The following KIFC1 variants were observed in gnomAD, a reference collection of about 807,000 sequenced individuals.
KIFC1 encodes the protein kinesin-like protein KIFC1.
KIFC1 carries 37 observed loss-of-function variants against 66.6 expected under a neutral mutation model. That is an observed-to-expected ratio of 0.56 (90% CI 0.43 to 0.73). The LOEUF (loss-of-function observed/expected upper bound fraction) is 0.73. Ranked by LOEUF, KIFC1 falls within the 30% of genes least tolerant of loss-of-function variation. KIFC1 has a pLI of 0.00. For missense variants in KIFC1, 721 were observed against 859.8 expected (o/e 0.84, Z 2.02); for synonymous variants, 325 against 343.5 (o/e 0.95, Z 0.60).
At position 33,405,281 on chromosome 6, in the gene KIFC1, C is replaced by T. The variant is rs997045617; in HGVS notation, c.1186C>T (p.Gln396Ter). The change falls in exon 7 of 11, where the codon CAG becomes TAG. Residue 396 changes from glutamine (Q) to a stop codon, truncating the protein, a stop_gained. Transcript: ENST00000428849. LOFTEE classifies it high-confidence loss of function. This position sits in a 1 kb window ranked among gnomAD's most constrained non-coding sequence, Gnocchi z 5.4. ...EVFEEIAMLV[Q>*]SALDGYPVCI... ...GTTTGAAGAGATTGCCATGCTTGTC[C>T]AGTCAGCCCTGGATGGCTATCCAGT... 6.2e-7 allele frequency: 1 copy of T among 1,614,214 alleles called. No individual in the cohort carries two copies. The highest frequency in any genetic ancestry group is 8.5e-7 in the Non-Finnish European group (1 of 1,180,050).
At chr6:33,409,400 A>T (rs898279570) in intron 10 of KIFC1, among the ~76,000 whole-genome samples, 1 of 152,112 alleles carries the variant, frequency 6.6e-6, no homozygotes, top group Non-Finnish European at 1.5e-5. Flanking sequence ...TGGAAATGAA[A>T]GCCTCCTTTC....
At chr6:33,407,043 TAA>T in intron 10 of KIFC1, 168 bp downstream of exon 10, 1 of 1,418,334 alleles carries the variant, frequency 7.1e-7, no homozygotes, top group South Asian at 1.6e-5. Context: ...GCTTTTGAGT[TAA>T]GTTTTTTAAA....
chr6:33,391,944 C>T lies in KIFC1; in HGVS notation c.-42C>T, dbSNP rs778738706. 6.2e-7 allele frequency: 1 copy of T among 1,613,686 alleles called. No individual in the cohort carries two copies. Among genetic ancestry groups the T allele is most frequent in the Non-Finnish European group, 8.5e-7 (1 of 1,179,774 alleles). Reference sequence around the variant, plus strand: ...CCCAGGATCCCCGGCACCCAGTTCTCTTCCACTGCATTCCCCCGGCGCGTG... The same window carrying T: ...CCCAGGATCCCCGGCACCCAGTTCTTTTCCACTGCATTCCCCCGGCGCGTG... On this transcript the variant is annotated 5_prime_UTR_variant, in exon 1 of 11. Coordinates refer to ENST00000428849, the MANE Select transcript of KIFC1 (RefSeq NM_002263.4).
At chr6:33,394,727 C>T (rs533296703) in intron 1 of KIFC1, among the ~76,000 whole-genome samples, 3 of 152,238 alleles carry the variant, frequency 2.0e-5, no homozygotes, top group African/African-American at 7.2e-5. Flanking sequence ...AGTGATCCGC[C>T]CGCCTCGGCC....
In KIFC1 at chr6:33,400,209, C is replaced by T; in HGVS notation, c.250+1822C>T. 2 of 1,558,024 alleles carry T rather than the reference C, an allele frequency of 1.3e-6. No homozygotes were observed. Among genetic ancestry groups the T allele is most frequent in the Non-Finnish European group, 1.7e-6 (2 of 1,144,712 alleles). ...GTTCTCTGGCTAAGGATCGGTGCCG[C>T]ATCTGTCGAGCAATGTTGACGATCT... On this transcript the variant is annotated intron_variant, in intron 3 of 10. Coordinates refer to ENST00000428849, the MANE Select transcript of KIFC1 (RefSeq NM_002263.4). This position sits in a 1 kb window ranked among gnomAD's most constrained non-coding sequence, Gnocchi z 4.3.
chr6:33,408,895 G>A lies in KIFC1; in HGVS notation c.1978-751G>A, dbSNP rs186209081. On this transcript the variant is annotated intron_variant, in intron 10 of 10. Coordinates refer to ENST00000428849, the MANE Select transcript of KIFC1 (RefSeq NM_002263.4). ...TTTAGCCAATAGGAACCTCCTGGCC[G>A]GGCGCGGTGGCTCATGCCTGTAACC... Among the ~76,000 whole-genome samples the A allele has an allele frequency of 5.7e-4, 87 of 151,728 alleles. 1 individual carries two copies. The highest frequency in any genetic ancestry group is 2.6e-3 in the Admixed American group (39 of 15,232).
chr6:33,405,197 A>C lies in KIFC1; in HGVS notation c.1102A>C (p.Thr368Pro), dbSNP rs779239713. Residue 368 changes from threonine to proline, a missense_variant, in exon 7 of 11, where the codon ACT (threonine) becomes CCT (proline). By Grantham distance (38) the Thr-to-Pro change is conservative (BLOSUM62 -1). Coordinates refer to ENST00000428849, the MANE Select transcript of KIFC1 (RefSeq NM_002263.4). This position sits in a 1 kb window ranked among gnomAD's most constrained non-coding sequence, Gnocchi z 5.4. The stretch of plus-strand genomic sequence containing the variant: ...CCTGAGTGGGGCACCAGCTCCCCCA[A>C]CTCGCCATGATTTTTCCTTTGACCG... ...GTLSGAPAPP[T>P]RHDFSFDRVF... 41 of 1,613,930 alleles carry C rather than the reference A, an allele frequency of 2.5e-5. No individual in the cohort carries two copies. The highest frequency in any genetic ancestry group is 1.8e-5 in the Non-Finnish European group (21 of 1,180,024).
rs954512313 is a variant in KIFC1 at position 33,403,330 on chromosome 6, G to A, written c.267G>A (p.Lys89=). ...QGQTTAQKVS[K]KTGPRCSTAI... ...CCTGGGCAGCTCAAAAAGTTTCCAA[G>A]AAGACAGGACCCCGGTGTTCCACAG... Residue 89 remains lysine (K), a synonymous_variant, in exon 4 of 11, where the codon AAG becomes AAA. Transcript: ENST00000428849. The surrounding 1 kb of genome is among the most constrained non-coding windows in gnomAD (Gnocchi z 4.6). 1 of 1,613,658 alleles carries A rather than the reference G, an allele frequency of 6.2e-7. No homozygotes were observed. The highest frequency in any genetic ancestry group is 1.3e-5 in the African/African-American group (1 of 75,054).
intron 10 of KIFC1, among the ~76,000 whole-genome samples, chr6:33,407,893 T>C (rs1476821891): frequency 6.6e-6 from 1 of 152,346 alleles, no homozygotes; most frequent in Non-Finnish European, 1.5e-5. Flanking sequence ...TTTGATGGGC[T>C]CTGGCTTTAT....
rs767401057 is a variant in KIFC1, at chr6:33,404,918, G to A, written c.823G>A (p.Glu275Lys). 2 of 1,614,110 alleles carry A rather than the reference G, an allele frequency of 1.2e-6. No homozygotes were observed. The highest frequency in any genetic ancestry group is 1.1e-5 in the South Asian group (1 of 91,082). The change falls in exon 7 of 11, where the codon GAG becomes AAG. Residue 275 changes from glutamate to lysine, a missense_variant. Coordinates refer to ENST00000428849, the MANE Select transcript of KIFC1 (RefSeq NM_002263.4). This position sits in a 1 kb window ranked among gnomAD's most constrained non-coding sequence, Gnocchi z 4.0. ...SQAEVASLRQ[E>K]TVAQAALLTE... ...AGCAGAGGTGGCATCTCTGCGGCAGGAGACTGTGGCCCAGGCAGCCTTACT... is the reference window on the plus strand; with the variant it reads ...AGCAGAGGTGGCATCTCTGCGGCAGAAGACTGTGGCCCAGGCAGCCTTACT...
chr6:33,400,111 T>C lies in KIFC1; in HGVS notation c.250+1724T>C. The C allele has an allele frequency of 1.2e-6, 1 of 831,446 alleles. No homozygotes were observed. The highest frequency in any genetic ancestry group is 2.1e-6 in the Non-Finnish European group (1 of 480,362). 51.5% of individuals were successfully genotyped at this position (831,446 alleles called of 1,614,324 possible). On this transcript the variant is annotated intron_variant, in intron 3 of 10. Transcript: ENST00000428849. This position sits in a 1 kb window ranked among gnomAD's most constrained non-coding sequence, Gnocchi z 4.3. ...ACTGTTGATGTCATCTATGATGTCA[T>C]GAGGGTGGTGGCCATCAACATTACA...
At chr6:33,407,517 C>T (rs189620355) in intron 10 of KIFC1, among the ~76,000 whole-genome samples, 1 of 152,344 alleles carries the variant, frequency 6.6e-6, no homozygotes, top group Non-Finnish European at 1.5e-5. Flanking sequence ...AAAATTTATC[C>T]ACCAGTTCCC....
chr6:33,409,705 C>CTCTGTGGGTGTGTGTGTGTG lies in KIFC1; in HGVS notation c.*16_*17insCTGTGGGTGTGTGTGTGTGT. The CTCTGTGGGTGTGTGTGTGTG allele has an allele frequency of 7.9e-7, 1 of 1,261,060 alleles. No homozygotes were observed. The highest frequency in any genetic ancestry group is 1.1e-6 in the Non-Finnish European group (1 of 911,106). 78.1% of individuals were successfully genotyped at this position (1,261,060 alleles called of 1,614,324 possible). ...ACAGGAAGTGAAGACGGATCCAGAT[C>CTCTGTGGGTGTGTGTGTGTG]TGTGTGTGTGTGTGTGTGTGTGTGT... On this transcript the variant is annotated 3_prime_UTR_variant, in exon 11 of 11. Coordinates refer to ENST00000428849, the MANE Select transcript of KIFC1 (RefSeq NM_002263.4).
chr6:33,402,655 T>C (rs1775432873), intron 3 of KIFC1, among the ~76,000 whole-genome samples: 2 of 151,378 alleles, frequency 1.3e-5, no homozygotes, highest in Non-Finnish European at 2.9e-5. Context: ...GCTTGAACCC[T>C]GGAGGTGGAG....
Position 33,398,144 on chromosome 6 carries a change from A to G in KIFC1, c.128A>G (p.Glu43Gly). The G allele has an allele frequency of 1.2e-6, 2 of 1,614,172 alleles. No homozygotes were observed. The highest frequency in any genetic ancestry group is 1.7e-6 in the Non-Finnish European group (2 of 1,180,028). The change falls in exon 2 of 11, where the codon GAA becomes GGA. Residue 43 changes from glutamate (E) to glycine (G), a missense_variant. Transcript: ENST00000428849. The part of the protein sequence containing the change: ...SRLKRRPDQM[E>G]DGLEPEKKRT... ...CTCAAGAGGAGGCCTGACCAGATGGAAGATGGCCTGGAGCCTGAGAAGGTG... is the reference window on the plus strand; with the variant it reads ...CTCAAGAGGAGGCCTGACCAGATGGGAGATGGCCTGGAGCCTGAGAAGGTG...
At chr6:33,394,539 TG>T (rs1371306291) in intron 1 of KIFC1, among the ~76,000 whole-genome samples, 1 of 152,142 alleles carries the variant, frequency 6.6e-6, no homozygotes, top group Non-Finnish European at 1.5e-5. Context: ...TGGAGTGCAG[TG>T]GTGTGATCTC....
chr6:33,392,777 A>G (rs1774854465), intron 1 of KIFC1, among the ~76,000 whole-genome samples: 1 of 152,198 alleles, frequency 6.6e-6, no homozygotes, highest in African/African-American at 2.4e-5. Flanking sequence ...TCTCGTGACA[A>G]CCAGAGAGCA....
chr6:33,404,229 C>A lies in KIFC1; in HGVS notation c.756+100C>A. ...CCCCTCAAGTCTGGGCTGAGAACTC[C>A]TGAGCACCTATCTTTAGCAGTATAG... On this transcript the variant is annotated intron_variant, in intron 6 of 10. Coordinates refer to ENST00000428849, the MANE Select transcript of KIFC1 (RefSeq NM_002263.4). The surrounding 1 kb of genome is among the most constrained non-coding windows in gnomAD (Gnocchi z 4.0). The A allele has an allele frequency of 8.6e-7, 1 of 1,161,410 alleles. No homozygotes were observed. Among genetic ancestry groups the A allele is most frequent in the Non-Finnish European group, 1.2e-6 (1 of 822,158 alleles). 71.9% of individuals were successfully genotyped at this position (1,161,410 alleles called of 1,614,324 possible). A position where few individuals can be genotyped will look rare whatever the true frequency, so the allele number is the denominator to read the frequency against.
Position 33,397,704 on chromosome 6 carries a change from C to T in KIFC1, c.13-325C>T, listed in dbSNP as rs975894518. Among the ~76,000 whole-genome samples, 3 of 152,350 alleles carry T rather than the reference C, an allele frequency of 2.0e-5. No homozygotes were observed. The South Asian group carries it at 6.2e-4, about 32-fold the overall frequency. ...CTCCCTTGTTTATGATTCTCAGCTC[C>T]AGCCAAAAGGGCCAGTTGGTTTCTT... is the stretch of plus-strand genomic sequence containing the variant. On this transcript the variant is annotated intron_variant, in intron 1 of 10. Coordinates refer to ENST00000428849, the MANE Select transcript of KIFC1 (RefSeq NM_002263.4).
Sources: allele counts gnomAD v4.1 joint callset (sites outside exome capture counted in the v4.1 genomes callset), GRCh38; gene constraint gnomAD v4.1.1; non-coding constraint Gnocchi (gnomAD v3.1); transcripts MANE v1.5; gene names NCBI Gene and HGNC (gene_info 2026-07-23, HGNC 2026-07-21).